Variants in ZMYM2 observed in about 807,000 individuals in gnomAD.
ZMYM2 encodes zinc finger MYM-type containing 2.
In ZMYM2, 56 loss-of-function variants were observed where a neutral mutation model predicts 162.8. That is an observed-to-expected ratio of 0.34 (90% CI 0.28 to 0.43). The LOEUF (loss-of-function observed/expected upper bound fraction) is 0.43, where lower values mean the gene tolerates loss of function less well. ZMYM2 is among the 20% of genes least tolerant of loss of function. The pLI is 1.00. For missense variants in ZMYM2, 1,275 were observed against 1,621.8 expected, an observed-to-expected ratio of 0.79 and a Z score of 3.67; for synonymous variants, 510 against 541.6, an observed-to-expected ratio of 0.94 and a Z score of 0.81.
upstream of ZMYM2, among the ~76,000 whole-genome samples, chr13:19,953,714 C>T (rs1371829040): frequency 6.7e-6 from 1 of 149,420 alleles, no homozygotes; most frequent in Non-Finnish European, 1.5e-5. Flanking sequence ...AAAATTCCAC[C>T]TATGGTTCAT....
chr13:19,885,860 AAAAT>A, the ZMYM2 span, among the ~76,000 whole-genome samples: 2 of 52,700 alleles, frequency 3.8e-5, no homozygotes, highest in African/African-American at 1.2e-4. Context: ...AAAAAAAAAA[AAAAT>A]ATATATATGT....
In ZMYM2 at chr13:20,082,132, T is replaced by TA. The variant is rs1957952216; in HGVS notation, c.3568+4dup. ...GGCAACCAAGCATACTTCCAGATGG[T>TA]AATGCTATTTTCACTAAAGGTGTTG... On this transcript the variant is annotated splice_region_variant and intron_variant, in intron 22 of 24. Transcript: ENST00000610343. 1 of 1,587,020 alleles carries TA rather than the reference T, an allele frequency of 6.3e-7. No homozygotes were observed. The highest frequency in any genetic ancestry group is 8.6e-7 in the Non-Finnish European group (1 of 1,164,810).
At chr13:19,919,680 CTTTTT>C in the ZMYM2 span, among the ~76,000 whole-genome samples, 1 of 137,308 alleles carries the variant, frequency 7.3e-6, no homozygotes. Context: ...TTTTCTTTTT[CTTTTT>C]TTTTTTTTTG....
intron 12 of ZMYM2, among the ~76,000 whole-genome samples, chr13:20,037,759 G>T (rs2044095620): frequency 6.6e-6 from 1 of 152,048 alleles, no homozygotes; most frequent in Admixed American, 6.6e-5. Context: ...TTAACTTTTA[G>T]GTTCAGGGGT....
intron 12 of ZMYM2, among the ~76,000 whole-genome samples, chr13:20,043,520 C>T (rs1441646485): frequency 6.6e-6 from 1 of 152,018 alleles, no homozygotes; most frequent in Non-Finnish European, 1.5e-5. Context: ...GTGGTGGTGG[C>T]AGGGCGCTGG....
chr13:20,083,183 C>T (rs775973156), intron 23 of ZMYM2, among the ~76,000 whole-genome samples, 151 bp downstream of exon 23: 3 of 152,192 alleles, frequency 2.0e-5, no homozygotes, highest in Non-Finnish European at 2.9e-5. Context: ...CTCCCTCAGC[C>T]TCCTGAGTGG....
chr13:20,052,792 A>G (rs911299244), intron 14 of ZMYM2, among the ~76,000 whole-genome samples: 3 of 152,232 alleles, frequency 2.0e-5, no homozygotes. Flanking sequence ...ATTTGGCAGA[A>G]CTACTTACTA....
At chr13:20,038,312 C>G (rs554111616) in intron 12 of ZMYM2, among the ~76,000 whole-genome samples, 1 of 152,226 alleles carries the variant, frequency 6.6e-6, no homozygotes, top group East Asian at 1.9e-4. Flanking sequence ...TCAGTTTTTG[C>G]TTTTGTTGCA....
At chr13:19,925,738 G>A in the ZMYM2 span, among the ~76,000 whole-genome samples, 1 of 151,630 alleles carries the variant, frequency 6.6e-6, no homozygotes, top group Non-Finnish European at 1.5e-5. Context: ...TGGGCATGTA[G>A]CACGCACCTG....
In ZMYM2 at chr13:20,010,962, T is replaced by TAC. The variant is rs1951125309; in HGVS notation, c.1512+4377_1512+4378insCA. On this transcript the variant is annotated intron_variant, in intron 6 of 24. Coordinates refer to ENST00000610343, the MANE Select transcript of ZMYM2 (RefSeq NM_197968.4). ...CCCTCTTTTATTTTTAGTTGATATG[T>TAC]AATACTTGTATATACGTAGGGGATA... Among the ~76,000 whole-genome samples the TAC allele has an allele frequency of 2.0e-5, 3 of 152,296 alleles. No homozygotes were observed. The South Asian group carries it at 6.2e-4, about 32-fold the overall frequency.
At position 20,067,270 on chromosome 13, in the gene ZMYM2, C is replaced by G. The variant is rs998515867; in HGVS notation, c.3333C>G (p.Leu1111=). 9 of 1,575,870 alleles carry G rather than the reference C, an allele frequency of 5.7e-6. No homozygotes were observed. Among genetic ancestry groups the G allele is most frequent in the Non-Finnish European group, 6.9e-6 (8 of 1,159,542 alleles). Residue 1111 remains leucine (L), a synonymous_variant, in exon 21 of 25, where the codon CTC becomes CTG. Transcript: ENST00000610343. ...SKSVKLKEDL[L]SHTTAELNYG... ...CAGTAAAGTTAAAAGAGGATCTACT[C>G]TCTCACACCACAGCTGAGCTTAACT...
At chr13:20,030,581 G>A (rs546842902) in intron 9 of ZMYM2, among the ~76,000 whole-genome samples, 7 of 152,224 alleles carry the variant, frequency 4.6e-5, no homozygotes, top group African/African-American at 1.7e-4. Flanking sequence ...TGTATTTTTA[G>A]TAGAGACGGG....
chr13:19,985,753 G>A (rs772005245), intron 2 of ZMYM2, among the ~76,000 whole-genome samples: 3 of 151,800 alleles, frequency 2.0e-5, no homozygotes, highest in Non-Finnish European at 4.4e-5. Context: ...GCACGTGCCT[G>A]TAGTCCCAGC....
chr13:19,895,022 A>G, the ZMYM2 span, among the ~76,000 whole-genome samples: 1 of 138,878 alleles, frequency 7.2e-6, no homozygotes, highest in Non-Finnish European at 1.5e-5. Context: ...GGTTGCAGTG[A>G]GCCGAGATCT....
Position 20,085,906 on chromosome 13 carries a change from G to A in ZMYM2, c.4026G>A (p.Thr1342=), listed in dbSNP as rs1009503260. Residue 1342 remains threonine, a synonymous_variant, in exon 25 of 25, where the codon ACG becomes ACA. Coordinates refer to ENST00000610343, the MANE Select transcript of ZMYM2 (RefSeq NM_197968.4). ...CTACAGATAGCCCTGTCTGGTATAC[G>A]TCTACTTCACTGGACCGAAACACCT... The part of the protein sequence containing the change: ...SSSTDSPVWY[T]STSLDRNTLE... The A allele has an allele frequency of 1.7e-5, 27 of 1,613,570 alleles. No homozygotes were observed. The highest frequency in any genetic ancestry group is 2.0e-5 in the Non-Finnish European group (24 of 1,179,750).
the ZMYM2 span, among the ~76,000 whole-genome samples, chr13:19,944,106 T>C: frequency 6.6e-6 from 1 of 152,152 alleles, no homozygotes; most frequent in East Asian, 1.9e-4. Context: ...TACTTCTCTT[T>C]TGCTGTGCAT....
At chr13:19,885,856 A>AT in the ZMYM2 span, among the ~76,000 whole-genome samples, 10,290 of 46,610 alleles carry the variant, frequency 0.22, 2,519 homozygotes, top group East Asian at 0.73. Flanking sequence ...TCAAAAAAAA[A>AT]AAAAAAATAT....
chr13:19,893,271 G>C, the ZMYM2 span, among the ~76,000 whole-genome samples: 1 of 150,284 alleles, frequency 6.7e-6, no homozygotes, highest in East Asian at 2.0e-4. Flanking sequence ...TTGATAGCTT[G>C]TATCAGTAGA....
chr13:20,069,297 C>G (rs891405394), intron 21 of ZMYM2, among the ~76,000 whole-genome samples: 2 of 152,110 alleles, frequency 1.3e-5, no homozygotes, highest in African/African-American at 4.8e-5. Flanking sequence ...TCTCCTGCCA[C>G]CCAAACCCTA....
Sources: allele counts gnomAD v4.1 joint callset (sites outside exome capture counted in the v4.1 genomes callset), GRCh38; gene constraint gnomAD v4.1.1; transcripts MANE v1.5; gene names NCBI Gene and HGNC (gene_info 2026-07-23, HGNC 2026-07-21).